The following CLMP variants were observed in gnomAD, a reference collection of about 807,000 sequenced individuals.
CLMP encodes CXADR-like membrane protein.
CLMP carries 27 observed loss-of-function variants against 45.2 expected under a neutral mutation model. That is an observed-to-expected ratio of 0.60 (90% CI 0.44 to 0.82). CLMP has a LOEUF of 0.82. Ranked by LOEUF, CLMP falls within the 40% of genes least tolerant of loss-of-function variation. CLMP has a pLI of 0.00. For missense variants in CLMP, 403 were observed against 448.4 expected, an observed-to-expected ratio of 0.90 and a Z score of 0.91; for synonymous variants, 167 against 171.4, an observed-to-expected ratio of 0.97 and a Z score of 0.20.
intron 3 of CLMP, among the ~76,000 whole-genome samples, 193 bp from the exon 4 acceptor site, chr11:123,084,040 AC>A (rs1319178542): frequency 2.0e-5 from 3 of 152,102 alleles, no homozygotes; most frequent in South Asian, 2.1e-4. Flanking sequence ...AAGCACACAT[AC>A]CCGCAACTCC....
chr11:123,113,703 C>T (rs1238987723), intron 1 of CLMP, among the ~76,000 whole-genome samples: 5 of 152,188 alleles, frequency 3.3e-5, no homozygotes, highest in African/African-American at 9.7e-5. Context: ...GGAAGCTGCA[C>T]TGCTATTCTA....
chr11:123,110,713 C>G (rs144963012), intron 1 of CLMP, among the ~76,000 whole-genome samples: 1 of 152,112 alleles, frequency 6.6e-6, no homozygotes, highest in African/African-American at 2.4e-5. Context: ...TACTTCCTTC[C>G]CAGTCTGTGG....
chr11:123,075,280 G>T (rs1865724177), intron 5 of CLMP, among the ~76,000 whole-genome samples: 1 of 151,758 alleles, frequency 6.6e-6, no homozygotes. Flanking sequence ...ATCTTCCTGA[G>T]TAGTACTGCA....
intron 3 of CLMP, 43 bp from the exon 4 acceptor site, chr11:123,083,890 TC>T (rs1865833626): frequency 6.2e-7 from 1 of 1,602,534 alleles, no homozygotes. Flanking sequence ...GATTCAAAGA[TC>T]CCCAAACACC....
intron 1 of CLMP, among the ~76,000 whole-genome samples, chr11:123,146,703 T>C (rs987360367): frequency 3.9e-5 from 6 of 152,074 alleles, no homozygotes; most frequent in Non-Finnish European, 8.8e-5. Context: ...CTCTCTTTCA[T>C]CTCTCCTCCC....
At chr11:123,138,862 C>A (rs370150852) in intron 1 of CLMP, among the ~76,000 whole-genome samples, 1 of 152,118 alleles carries the variant, frequency 6.6e-6, no homozygotes, top group East Asian at 1.9e-4. Context: ...ACTGTGTTAG[C>A]CAGGCTGACC....
intron 1 of CLMP, among the ~76,000 whole-genome samples, chr11:123,112,834 C>T (rs1041501680): frequency 3.0e-5 from 4 of 133,608 alleles, no homozygotes; most frequent in Non-Finnish European, 4.6e-5. Flanking sequence ...AGTGCAGTGG[C>T]GCAATCTTGG....
intron 6 of CLMP, 143 bp from the exon 7 acceptor site, chr11:123,073,917 C>A: frequency 2.6e-6 from 2 of 776,350 alleles, no homozygotes; most frequent in East Asian, 5.4e-5. Flanking sequence ...GGTGCTTCCT[C>A]GTATCTTAAG....
rs1865652962 is a variant in CLMP at position 123,069,900 on chromosome 11, C to G, written c.*3574G>C. On this transcript the variant is annotated 3_prime_UTR_variant, in exon 7 of 7. Transcript: ENST00000448775. ...CTTTTACTTGTTTATTTTTTAATTG[C>G]TGATACAGATGCATCCATAATAAAT... The G allele has an allele frequency of 6.6e-6, 1 of 152,168 alleles. No homozygotes were observed. Among genetic ancestry groups the G allele is most frequent in the Admixed American group, 6.5e-5 (1 of 15,280 alleles). 9.4% of individuals were successfully genotyped at this position (152,168 alleles called of 1,614,324 possible).
intron 1 of CLMP, among the ~76,000 whole-genome samples, chr11:123,106,008 G>C (rs1860541191): frequency 6.6e-6 from 1 of 151,914 alleles, no homozygotes; most frequent in Non-Finnish European, 1.5e-5. Context: ...GTAGAGACGG[G>C]GTTTCACCAT....
At chr11:123,101,453 A>C (rs1866059117) in intron 1 of CLMP, among the ~76,000 whole-genome samples, 1 of 152,184 alleles carries the variant, frequency 6.6e-6, no homozygotes, top group Admixed American at 6.5e-5. Context: ...ATTTACCAAA[A>C]TTGATTAGCA....
intron 1 of CLMP, among the ~76,000 whole-genome samples, chr11:123,172,928 C>T (rs1861656125): frequency 6.6e-6 from 1 of 152,300 alleles, no homozygotes; most frequent in South Asian, 2.1e-4. Flanking sequence ...GTGCTGTTTG[C>T]ACCCCACTAA....
rs941172172 is a variant in CLMP at position 123,071,751 on chromosome 11, A to G, written c.*1723T>C. 2.0e-5 allele frequency: 3 copies of G among 152,284 alleles called. No individual in the cohort carries two copies. The highest frequency in any genetic ancestry group is 4.4e-5 in the Non-Finnish European group (3 of 68,116). 9.4% of individuals were successfully genotyped at this position (152,284 alleles called of 1,614,324 possible). On this transcript the variant is annotated 3_prime_UTR_variant, in exon 7 of 7. Coordinates refer to ENST00000448775, the MANE Select transcript of CLMP (RefSeq NM_024769.5). ...AAAAAAAAAAGTTTTCTACTCTCCC[A>G]GAGGTGATCAGTTGACATTTGTGCT...
rs556041251 is a variant in CLMP, at chr11:123,078,803, C to A, written c.680-3960G>T. On this transcript the variant is annotated intron_variant, in intron 5 of 6. Coordinates refer to ENST00000448775, the MANE Select transcript of CLMP (RefSeq NM_024769.5). Reference sequence around the variant, plus strand: ...GGGACTACAGGTGCCTGCCACCACGCCCAGCTAATTTTTTGTATTTTTAGT... The same window carrying A: ...GGGACTACAGGTGCCTGCCACCACGACCAGCTAATTTTTTGTATTTTTAGT... 4.6e-5 allele frequency among the ~76,000 whole-genome samples: 7 copies of A among 152,192 alleles called. No homozygotes were observed. In the South Asian group the frequency reaches 1.0e-3, roughly 23 times the overall value.
chr11:123,135,670 G>A (rs1861061848), intron 1 of CLMP, among the ~76,000 whole-genome samples: 1 of 152,044 alleles, frequency 6.6e-6, no homozygotes, highest in Admixed American at 6.6e-5. Flanking sequence ...TATTTTATAG[G>A]CTAATTTCTA....
At chr11:123,119,379 G>A (rs1315180696) in intron 1 of CLMP, among the ~76,000 whole-genome samples, 20 of 151,964 alleles carry the variant, frequency 1.3e-4, no homozygotes, top group African/African-American at 3.9e-4. Flanking sequence ...CACCATGCCC[G>A]GCTGATCTTT....
chr11:123,129,443 ATATAT>A lies in CLMP; in HGVS notation c.29-31496_29-31492del, dbSNP rs1329181545. 1.4e-4 allele frequency among the ~76,000 whole-genome samples: 19 copies of A among 140,522 alleles called. No homozygotes were observed. The East Asian group carries it at 1.4e-3, about 10-fold the overall frequency. The allele number at this position is 140,522 out of a possible 152,430, so 92.2% of individuals were successfully genotyped here. On this transcript the variant is annotated intron_variant, in intron 1 of 6. Coordinates refer to ENST00000448775, the MANE Select transcript of CLMP (RefSeq NM_024769.5). The stretch of plus-strand genomic sequence containing the variant: ...TATTATATAAAATATATATCATATG[ATATAT>A]TATATAAAATATATCATATGATATA...
intron 1 of CLMP, among the ~76,000 whole-genome samples, chr11:123,184,143 G>A (rs566511269): frequency 6.6e-6 from 1 of 152,200 alleles, no homozygotes; most frequent in Non-Finnish European, 1.5e-5. Flanking sequence ...CGCCCAGGCT[G>A]GAGTGCAGTG....
intron 1 of CLMP, among the ~76,000 whole-genome samples, chr11:123,142,384 G>A (rs530245739): frequency 6.6e-5 from 10 of 152,246 alleles, no homozygotes; most frequent in Admixed American, 1.3e-4. Flanking sequence ...ACTGCTTTCC[G>A]ATATACCACT....
Sources: allele counts gnomAD v4.1 joint callset (sites outside exome capture counted in the v4.1 genomes callset), GRCh38; gene constraint gnomAD v4.1.1; transcripts MANE v1.5; gene names NCBI Gene and HGNC (gene_info 2026-07-23, HGNC 2026-07-21).